TNN: variants seen among roughly 807,000 people sequenced by gnomAD.
TNN encodes tenascin N, also known as tenascin-N.
TNN carries 122 observed loss-of-function variants against 134.4 expected under a neutral mutation model. That is an observed-to-expected ratio of 0.91 (90% confidence interval 0.78 to 1.06). TNN has a LOEUF of 1.06. Ranked by LOEUF, TNN falls within the 50% of genes least tolerant of loss-of-function variation. The pLI is 0.00. For missense variants in TNN, 1,739 were observed against 1,699.4 expected (o/e 1.02, Z -0.41); for synonymous variants, 710 against 670.3 (o/e 1.06, Z -0.91).
At chr1:175,084,315 G>A (rs1249127668) in intron 5 of TNN, among the ~76,000 whole-genome samples, 2 of 152,044 alleles carry the variant, frequency 1.3e-5, no homozygotes, top group Non-Finnish European at 2.9e-5. Flanking sequence ...AAGAGAGAGA[G>A]AGAGATTGAG....
intron 6 of TNN, 50 bp from the exon 7 acceptor site, chr1:175,093,940 A>T: frequency 1.9e-6 from 3 of 1,559,064 alleles, no homozygotes; most frequent in Non-Finnish European, 2.6e-6. Flanking sequence ...TATGATCTTG[A>T]CTAACCAACT....
At chr1:175,140,645 T>A (rs1032388965) in intron 17 of TNN, among the ~76,000 whole-genome samples, 2 of 152,256 alleles carry the variant, frequency 1.3e-5, no homozygotes, top group Admixed American at 6.5e-5. Flanking sequence ...AGGGGATAAT[T>A]CCTGTTCTAA....
intron 1 of TNN, among the ~76,000 whole-genome samples, chr1:175,068,449 G>GT (rs1310735359): frequency 6.6e-6 from 1 of 152,148 alleles, no homozygotes; most frequent in African/African-American, 2.4e-5. Context: ...GTGTGAATCA[G>GT]TTAAGGGGAT....
intron 1 of TNN, among the ~76,000 whole-genome samples, chr1:175,076,000 C>A (rs1211314833): frequency 2.0e-5 from 3 of 152,198 alleles, no homozygotes; most frequent in Non-Finnish European, 2.9e-5. Flanking sequence ...CAAGAGACAG[C>A]TCTGCAGATC....
At chr1:175,126,754 C>T (rs925456803) in intron 12 of TNN, among the ~76,000 whole-genome samples, 1 of 152,170 alleles carries the variant, frequency 6.6e-6, no homozygotes, top group Non-Finnish European at 1.5e-5. Flanking sequence ...CCCTGTTCTT[C>T]TTGTCTCTAA....
Position 175,128,018 on chromosome 1 carries a change from C to A in TNN, c.3046-14C>A, listed in dbSNP as rs199784096. The stretch of plus-strand genomic sequence containing the variant: ...CTGAGTCACTGGCTGTCTAATCTCT[C>A]CCTTGTTTGGTAGGAGATGCAGCTG... On this transcript the variant is annotated splice_polypyrimidine_tract_variant and intron_variant, in intron 13 of 18. Coordinates refer to ENST00000239462, the MANE Select transcript of TNN (RefSeq NM_022093.2). The A allele has an allele frequency of 6.2e-7, 1 of 1,614,084 alleles. No homozygotes were observed.
At chr1:175,114,802 G>A (rs1675120204) in intron 9 of TNN, among the ~76,000 whole-genome samples, 1 of 152,102 alleles carries the variant, frequency 6.6e-6, no homozygotes, top group Non-Finnish European at 1.5e-5. Flanking sequence ...CTGTAATTTG[G>A]AAACCTGCAC....
At chr1:175,114,883 A>G (rs1466209533) in intron 9 of TNN, among the ~76,000 whole-genome samples, 1 of 152,036 alleles carries the variant, frequency 6.6e-6, no homozygotes, top group African/African-American at 2.4e-5. Flanking sequence ...AAACTCTACA[A>G]TGGTGGGACT....
chr1:175,089,884 T>C (rs1674402827), intron 6 of TNN, among the ~76,000 whole-genome samples: 1 of 152,254 alleles, frequency 6.6e-6, no homozygotes, highest in African/African-American at 2.4e-5. Flanking sequence ...ATGTTCCATT[T>C]GAAATGGCTT....
chr1:175,115,873 C>A (rs1675153792), intron 9 of TNN, among the ~76,000 whole-genome samples: 1 of 152,078 alleles, frequency 6.6e-6, no homozygotes, highest in South Asian at 2.1e-4. Flanking sequence ...GATCTTCTTG[C>A]TTACGTTTTG....
chr1:175,146,522 C>T (rs1676070677), intron 18 of TNN, among the ~76,000 whole-genome samples: 1 of 152,044 alleles, frequency 6.6e-6, no homozygotes, highest in African/African-American at 2.4e-5. Flanking sequence ...ACACAACTGG[C>T]CAATTAATAT....
At chr1:175,091,563 AT>A (rs1558353501) in intron 6 of TNN, among the ~76,000 whole-genome samples, 2,776 of 104,282 alleles carry the variant, frequency 0.027, 47 homozygotes, top group South Asian at 0.11. Flanking sequence ...TATTATTTTT[AT>A]TTATTTATTT....
chr1:175,136,111 T>A (rs1675804012), intron 16 of TNN, among the ~76,000 whole-genome samples, 170 bp downstream of exon 16: 1 of 152,132 alleles, frequency 6.6e-6, no homozygotes, highest in African/African-American at 2.4e-5. Flanking sequence ...GGGAAGGCTG[T>A]CTTGCACTCT....
Position 175,104,012 on chromosome 1 carries a change from T to A in TNN, c.2119+5417T>A, listed in dbSNP as rs570250507. ...ACAAATGGGTAACTTGTTCCCCATA[T>A]TTATGTAGATAATAGCTCCAGCCTT... On this transcript the variant is annotated intron_variant, in intron 9 of 18. Coordinates refer to ENST00000239462, the MANE Select transcript of TNN (RefSeq NM_022093.2). Among the ~76,000 whole-genome samples the A allele has an allele frequency of 1.4e-5, 2 of 146,190 alleles. 1 individual carries two copies. The highest frequency in any genetic ancestry group is 4.6e-4 in the East Asian group (2 of 4,392).
chr1:175,145,567 A>AAAAAAAAAAAAAAAAAAAAAAAAC, intron 18 of TNN, among the ~76,000 whole-genome samples: 1 of 148,344 alleles, frequency 6.7e-6, no homozygotes, highest in Non-Finnish European at 1.5e-5. Context: ...AAAAAAAAAA[A>AAAAAAAAAAAAAAAAAAAAAAAAC]AAAAAAAAGC....
At position 175,123,575 on chromosome 1, in the gene TNN, C is replaced by T. The variant is rs143296776; in HGVS notation, c.2826C>T (p.Gly942=). 3.1e-6 allele frequency: 5 copies of T among 1,613,842 alleles called. No individual in the cohort carries two copies. In the African/African-American group the frequency reaches 5.3e-5, roughly 17 times the overall value. ...AGCACAGCAGCACTGTCCTGACGGG[C>T]CTGAGACCAGGCATGGAGTACATGG... ...GKEHSSTVLT[G]LRPGMEYMVH... The change falls in exon 12 of 19, where the codon GGC becomes GGT. Residue 942 remains glycine (G), a synonymous_variant. Transcript: ENST00000239462.
intron 9 of TNN, among the ~76,000 whole-genome samples, chr1:175,108,445 T>C (rs1184425871): frequency 2.0e-5 from 3 of 152,228 alleles, no homozygotes; most frequent in African/African-American, 4.8e-5. Context: ...GCCAGTCCCA[T>C]GCCATGAGCT....
At chr1:175,093,939 G>T in intron 6 of TNN, 51 bp from the exon 7 acceptor site, 1 of 1,557,490 alleles carries the variant, frequency 6.4e-7, no homozygotes, top group South Asian at 1.2e-5. Context: ...CTATGATCTT[G>T]ACTAACCAAC....
At position 175,077,563 on chromosome 1, in the gene TNN, G is replaced by C. The variant is rs1339983462; in HGVS notation, c.145G>C (p.Asp49His). ...QVTVSHTYKI[D>H]VPKSALVQVD... ...CACTGTCAGCCACACCTACAAGATC[G>C]ATGTGCCCAAGTCTGCCTTGGTTCA... The change falls in exon 2 of 19, where the codon GAT becomes CAT. Residue 49 changes from aspartate to histidine, a missense_variant. By Grantham distance (81) the Asp-to-His change is moderately conservative. Transcript: ENST00000239462. 1 of 1,614,204 alleles carries C rather than the reference G, an allele frequency of 6.2e-7. No homozygotes were observed. The highest frequency in any genetic ancestry group is 8.5e-7 in the Non-Finnish European group (1 of 1,180,040).
Sources: allele counts gnomAD v4.1 joint callset (sites outside exome capture counted in the v4.1 genomes callset), GRCh38; gene constraint gnomAD v4.1.1; transcripts MANE v1.5; gene names NCBI Gene and HGNC (gene_info 2026-07-23, HGNC 2026-07-21).